Variants in COL14A1 observed in about 807,000 individuals in gnomAD.
COL14A1 encodes collagen type XIV alpha 1 chain.
Under a neutral mutation model 230.3 loss-of-function variants are expected in COL14A1, and 136 were observed. The ratio of observed to expected loss-of-function variants is 0.59; its 90% CI spans 0.51 to 0.68. The LOEUF (loss-of-function observed/expected upper bound fraction) is 0.68, where lower values mean the gene tolerates loss of function less well. Ranked by LOEUF, COL14A1 falls within the 30% of genes least tolerant of loss-of-function variation. COL14A1 has a pLI of 0.00. For synonymous variants in COL14A1, 792 were observed against 784.1 expected (o/e 1.01, Z -0.17); for missense variants, 1,976 against 2,215.8 (o/e 0.89, Z 2.17).
At chr8:120,303,832 C>T (rs1820785625) in intron 36 of COL14A1, among the ~76,000 whole-genome samples, 2 of 152,084 alleles carry the variant, frequency 1.3e-5, no homozygotes, top group African/African-American at 2.4e-5. Flanking sequence ...CTTCTTTGTA[C>T]ATCTTGTAGA....
intron 17 of COL14A1, among the ~76,000 whole-genome samples, chr8:120,227,684 T>C (rs1818142617): frequency 6.6e-6 from 1 of 152,162 alleles, no homozygotes; most frequent in Admixed American, 6.5e-5. Flanking sequence ...TATGCAAGAA[T>C]GGATAAAATA....
chr8:120,193,484 T>C (rs894097967), intron 5 of COL14A1, among the ~76,000 whole-genome samples: 4 of 152,190 alleles, frequency 2.6e-5, no homozygotes, highest in Non-Finnish European at 5.9e-5. Flanking sequence ...GTTAGGCTGC[T>C]TGGGGGTCAG....
intron 14 of COL14A1, among the ~76,000 whole-genome samples, chr8:120,221,905 A>G (rs1439372275): frequency 2.0e-5 from 3 of 152,236 alleles, no homozygotes; most frequent in South Asian, 2.1e-4. Context: ...TAAGTGCTCA[A>G]TAAATCTCAG....
At chr8:120,191,369 T>C (rs1787856518) in intron 5 of COL14A1, among the ~76,000 whole-genome samples, 1 of 152,242 alleles carries the variant, frequency 6.6e-6, no homozygotes, top group South Asian at 2.1e-4. Context: ...GTGAGTTTCT[T>C]AATCCTGAGT....
Position 120,357,952 on chromosome 8 carries a change from A to C in COL14A1, c.5078-9219A>C, listed in dbSNP as rs994411166. On this transcript the variant is annotated intron_variant, in intron 45 of 47. Coordinates refer to ENST00000297848, the MANE Select transcript of COL14A1 (RefSeq NM_021110.4). ...GTTTCTGAAATTAGTCATAATTAGAACAAAATCCATTTTCAAACCAAACAC... is the reference window on the plus strand; with the variant it reads ...GTTTCTGAAATTAGTCATAATTAGACCAAAATCCATTTTCAAACCAAACAC... Among the ~76,000 whole-genome samples, 5 of 152,220 alleles carry C rather than the reference A, an allele frequency of 3.3e-5. No homozygotes were observed. In the East Asian group the frequency reaches 7.7e-4, roughly 23 times the overall value.
intron 1 of COL14A1, among the ~76,000 whole-genome samples, chr8:120,140,959 G>A (rs528565529): frequency 1.3e-5 from 2 of 152,254 alleles, no homozygotes; most frequent in South Asian, 4.2e-4. Flanking sequence ...TATACCTTCC[G>A]AATAGAGAAC....
At chr8:120,178,765 C>G (rs540085937) in intron 5 of COL14A1, among the ~76,000 whole-genome samples, 6 of 152,162 alleles carry the variant, frequency 3.9e-5, no homozygotes. Context: ...TAATAGATTG[C>G]CATTCTAACT....
chr8:120,270,394 A>T (rs1052083690), intron 26 of COL14A1, among the ~76,000 whole-genome samples: 2 of 151,778 alleles, frequency 1.3e-5, no homozygotes, highest in African/African-American at 4.8e-5. Context: ...CGGCAAACTA[A>T]AACAAGGTAG....
intron 21 of COL14A1, among the ~76,000 whole-genome samples, chr8:120,248,025 C>A (rs1219720152): frequency 1.3e-5 from 2 of 152,066 alleles, no homozygotes; most frequent in Non-Finnish European, 2.9e-5. Flanking sequence ...GACCAGGAAC[C>A]AATCTAAGGA....
chr8:120,231,636 T>G lies in COL14A1; in HGVS notation c.2349+18T>G. 6.2e-7 allele frequency: 1 copy of G among 1,610,052 alleles called. No homozygotes were observed. Among genetic ancestry groups the G allele is most frequent in the Non-Finnish European group, 8.5e-7 (1 of 1,178,530 alleles). On this transcript the variant is annotated intron_variant, in intron 19 of 47. Coordinates refer to ENST00000297848, the MANE Select transcript of COL14A1 (RefSeq NM_021110.4). Reference sequence around the variant, plus strand: ...TAGGAACGGTCTGTATAAATTCAACTGACTAGAAACTCTGCAGATGTTACT... The same window carrying G: ...TAGGAACGGTCTGTATAAATTCAACGGACTAGAAACTCTGCAGATGTTACT...
intron 19 of COL14A1, among the ~76,000 whole-genome samples, chr8:120,236,858 A>C (rs923259462): frequency 3.3e-5 from 5 of 152,128 alleles, no homozygotes; most frequent in Non-Finnish European, 7.3e-5. Context: ...AAAGGATTTT[A>C]TTTCTCCTTC....
At chr8:120,348,096 C>A (rs897138080) in intron 45 of COL14A1, among the ~76,000 whole-genome samples, 1 of 151,560 alleles carries the variant, frequency 6.6e-6, no homozygotes, top group African/African-American at 2.4e-5. Context: ...TATAGCAGCA[C>A]AATTCGCAAG....
intron 45 of COL14A1, among the ~76,000 whole-genome samples, chr8:120,359,414 G>T (rs1823112633): frequency 6.6e-6 from 1 of 152,004 alleles, no homozygotes; most frequent in Non-Finnish European, 1.5e-5. Context: ...CCAATGCCTG[G>T]ACACAGCTCA....
chr8:120,269,806 C>T (rs890906354), intron 25 of COL14A1, among the ~76,000 whole-genome samples: 7 of 151,476 alleles, frequency 4.6e-5, no homozygotes, highest in Non-Finnish European at 7.4e-5. Context: ...TATTTCCACA[C>T]GGATAATAGA....
At chr8:120,255,187 A>T in intron 22 of COL14A1, 53 bp from the exon 23 acceptor site, 1 of 1,384,144 alleles carries the variant, frequency 7.2e-7, no homozygotes. Context: ...AGATTCAGGG[A>T]TGCTTGTGTG....
At position 120,302,550 on chromosome 8, in the gene COL14A1, A is replaced by G. The variant is rs1250800166; in HGVS notation, c.4401+1732A>G. 2.6e-5 allele frequency among the ~76,000 whole-genome samples: 4 copies of G among 152,078 alleles called. No homozygotes were observed. In the East Asian group the frequency reaches 7.7e-4, roughly 29 times the overall value. ...GCTCTGCTGAAGATCAGATGGTCAT[A>G]GGTATGTTGTCTTTTTTCTGGGTTC... is the stretch of plus-strand genomic sequence containing the variant. On this transcript the variant is annotated intron_variant, in intron 36 of 47. Coordinates refer to ENST00000297848, the MANE Select transcript of COL14A1 (RefSeq NM_021110.4).
chr8:120,356,422 T>A (rs1466410890), intron 45 of COL14A1, among the ~76,000 whole-genome samples: 1 of 152,232 alleles, frequency 6.6e-6, no homozygotes, highest in Non-Finnish European at 1.5e-5. Flanking sequence ...AGCTATGTGA[T>A]CTTGACTACT....
chr8:120,249,067 C>T (rs1818855516), intron 21 of COL14A1, among the ~76,000 whole-genome samples: 1 of 149,486 alleles, frequency 6.7e-6, no homozygotes, highest in African/African-American at 2.5e-5. Context: ...GCTGGGACTA[C>T]AGGCGCCCGC....
At chr8:120,296,407 C>T (rs1014982244) in intron 34 of COL14A1, among the ~76,000 whole-genome samples, 2 of 151,862 alleles carry the variant, frequency 1.3e-5, no homozygotes, top group African/African-American at 4.8e-5. Context: ...TGTGATAGTG[C>T]ATGCATTTTT....
Sources: gnomAD v4.1 joint callset for allele counts (sites outside exome capture counted in the v4.1 genomes callset) on GRCh38, gnomAD v4.1.1 for gene constraint, MANE v1.5 for transcripts, NCBI Gene and HGNC (gene_info 2026-07-23, HGNC 2026-07-21) for gene names.